MEGF6: variants seen among roughly 807,000 people sequenced by gnomAD.
The protein encoded by MEGF6 is multiple epidermal growth factor-like domains protein 6.
A neutral mutation model predicts 207.1 loss-of-function variants in MEGF6; 184 were observed. The ratio of observed to expected loss-of-function variants is 0.89; its 90% CI spans 0.79 to 1.00. MEGF6 has a LOEUF of 1.00. Among genes scored for constraint, MEGF6 ranks in the 50% least tolerant of loss-of-function variants. The probability of loss-of-function intolerance (pLI) is 0.00; values close to 1 mark genes in which losing one functional copy is unlikely to be tolerated. For synonymous variants in MEGF6, 1,038 were observed against 910.0 expected (o/e 1.14, Z -2.53); for missense variants, 2,282 against 2,202.9 (o/e 1.04, Z -0.72).
chr1:3,601,860 G>A (rs906758303), intron 2 of MEGF6, among the ~76,000 whole-genome samples: 5 of 152,334 alleles, frequency 3.3e-5, no homozygotes, highest in Non-Finnish European at 4.4e-5. Flanking sequence ...CGGCTCCTCC[G>A]CAGATCCCAG....
chr1:3,518,297 A>G (rs1001939363), intron 5 of MEGF6, among the ~76,000 whole-genome samples: 1 of 152,098 alleles, frequency 6.6e-6, no homozygotes. Context: ...CTAACTCCCC[A>G]GTTTGCCAAT....
intron 3 of MEGF6, among the ~76,000 whole-genome samples, chr1:3,589,177 C>T (rs967816942): frequency 6.6e-6 from 1 of 152,120 alleles, no homozygotes; most frequent in African/African-American, 2.4e-5. Context: ...GCGTCTACAA[C>T]CACGGAACGC....
At chr1:3,619,906 G>C in the MEGF6 span, among the ~76,000 whole-genome samples, 2 of 152,220 alleles carry the variant, frequency 1.3e-5, no homozygotes, top group Non-Finnish European at 2.9e-5. Context: ...CTGTGGGAAA[G>C]TTTGGAACTT....
intron 4 of MEGF6, among the ~76,000 whole-genome samples, chr1:3,533,319 C>T (rs991109315): frequency 2.6e-5 from 4 of 152,364 alleles, no homozygotes; most frequent in African/African-American, 9.6e-5. Flanking sequence ...TGCCTGTCTG[C>T]GGGGCCTCCT....
chr1:3,581,273 T>G (rs956384453), intron 3 of MEGF6, among the ~76,000 whole-genome samples: 3 of 152,130 alleles, frequency 2.0e-5, no homozygotes, highest in African/African-American at 7.2e-5. Flanking sequence ...CCCACCCTCC[T>G]GCAATCACAG....
intron 5 of MEGF6, among the ~76,000 whole-genome samples, chr1:3,516,448 C>T (rs184624498): frequency 3.3e-5 from 5 of 152,342 alleles, no homozygotes; most frequent in African/African-American, 1.2e-4. Flanking sequence ...AGGCCGTCTG[C>T]CCAGGCCTGT....
intron 14 of MEGF6, 91 bp from the exon 15 acceptor site, chr1:3,506,327 G>T: frequency 6.8e-7 from 1 of 1,467,386 alleles, no homozygotes; most frequent in Non-Finnish European, 9.2e-7. Context: ...GGGGCCCAGG[G>T]CCCAGCACAG....
chr1:3,582,163 G>A (rs2101766475), intron 3 of MEGF6, among the ~76,000 whole-genome samples: 1 of 152,242 alleles, frequency 6.6e-6, no homozygotes, highest in South Asian at 2.1e-4. Context: ...CAGTGTCCAG[G>A]ACAGACATTA....
chr1:3,530,575 G>A (rs1284759770), intron 4 of MEGF6, among the ~76,000 whole-genome samples: 2 of 152,176 alleles, frequency 1.3e-5, no homozygotes, highest in African/African-American at 4.8e-5. Flanking sequence ...CGAGAGCAGG[G>A]CTGTAACCTG....
At chr1:3,524,321 C>A (rs1340830012) in intron 4 of MEGF6, 75 bp from the exon 5 acceptor site, 2 of 1,562,944 alleles carry the variant, frequency 1.3e-6, no homozygotes, top group African/African-American at 2.7e-5. Flanking sequence ...CCCCCAGGTG[C>A]CGGGGGCCCA....
chr1:3,515,338 C>A (rs1641503404), intron 6 of MEGF6, 64 bp downstream of exon 6: 2 of 1,544,464 alleles, frequency 1.3e-6, no homozygotes, highest in Admixed American at 1.9e-5. Context: ...ACCCAACAGC[C>A]CAGGCGAGGC....
At chr1:3,548,191 T>C (rs1450643850) in intron 4 of MEGF6, among the ~76,000 whole-genome samples, 1 of 152,156 alleles carries the variant, frequency 6.6e-6, no homozygotes, top group Non-Finnish European at 1.5e-5. Context: ...TCCCAGAAGA[T>C]GAGGCCGACC....
rs756019291 is a variant in MEGF6 at position 3,515,439 on chromosome 1, G to A, written c.693C>T (p.Pro231=). 77 of 1,612,494 alleles carry A rather than the reference G, an allele frequency of 4.8e-5. No individual in the cohort carries two copies. The Admixed American group carries it at 5.8e-4, about 12-fold the overall frequency. The change falls in exon 6 of 37, where the codon CCC becomes CCT. Residue 231 remains proline, a synonymous_variant. Transcript: ENST00000356575. ...TGCCGTCCTCCTGGAGCTGGAACCC[G>A]GGCCGGCACTGGCAGCGATGCCGAG... is the stretch of plus-strand genomic sequence containing the variant. ...TITRHRCQCR[P]GFQLQEDGRH... is the part of the protein sequence containing the mutation.
chr1:3,505,658 G>A, intron 15 of MEGF6, 102 bp from the exon 16 acceptor site: 1 of 1,403,248 alleles, frequency 7.1e-7, no homozygotes, highest in South Asian at 1.5e-5. Flanking sequence ...CCAAGATCAT[G>A]TAGGGAGCTG....
Position 3,513,577 on chromosome 1 carries a change from CTTTTTTTTTTTT to C in MEGF6, c.853+961_853+972del, listed in dbSNP as rs757815891. On this transcript the variant is annotated intron_variant, in intron 7 of 36. Coordinates refer to ENST00000356575, the MANE Select transcript of MEGF6 (RefSeq NM_001409.4). Reference sequence around the variant, plus strand: ...ACAGGTGTGAGCCACCACACCTGGGCTTTTTTTTTTTTTTTTTTTTTTTTTTTTTAAGAGACA... The same window carrying C: ...ACAGGTGTGAGCCACCACACCTGGGCTTTTTTTTTTTTTTTTTAAGAGACA... Among the ~76,000 whole-genome samples the C allele has an allele frequency of 7.0e-3, 396 of 56,570 alleles. 5 individuals carry two copies. Among genetic ancestry groups the C allele is most frequent in the African/African-American group, 0.028 (373 of 13,556 alleles). The allele number at this position is 56,570 out of a possible 152,430, so 37.1% of individuals were successfully genotyped here. A position where few individuals can be genotyped will look rare whatever the true frequency, so the allele number is the denominator to read the frequency against.
intron 4 of MEGF6, among the ~76,000 whole-genome samples, chr1:3,541,007 A>G (rs561332499): frequency 6.6e-6 from 1 of 152,302 alleles, no homozygotes; most frequent in Admixed American, 6.5e-5. Flanking sequence ...TAGAAAGGGG[A>G]GATGGCATCC....
At chr1:3,520,725 G>A (rs867403595) in intron 5 of MEGF6, among the ~76,000 whole-genome samples, 11 of 152,324 alleles carry the variant, frequency 7.2e-5, no homozygotes, top group Admixed American at 3.9e-4. Flanking sequence ...GTAGATTCTC[G>A]CTTTTGAGAG....
At chr1:3,520,245 C>G (rs918351979) in intron 5 of MEGF6, among the ~76,000 whole-genome samples, 1 of 152,212 alleles carries the variant, frequency 6.6e-6, no homozygotes, top group Non-Finnish European at 1.5e-5. Context: ...TCAGCCAGGC[C>G]GCCTCCGGGG....
Position 3,566,058 on chromosome 1 carries a change from T to A in MEGF6, c.481+13767A>T, listed in dbSNP as rs530678731. Among the ~76,000 whole-genome samples, 7 of 152,342 alleles carry A rather than the reference T, an allele frequency of 4.6e-5. No homozygotes were observed. In the South Asian group the frequency reaches 1.4e-3, roughly 32 times the overall value. ...CAGAGAAGACATTGACCCCTGAGGC[T>A]GACCTGGGTAGCAGACCCCTGAGGC... On this transcript the variant is annotated intron_variant, in intron 4 of 36. Coordinates refer to ENST00000356575, the MANE Select transcript of MEGF6 (RefSeq NM_001409.4).
Sources: allele counts gnomAD v4.1 joint callset (sites outside exome capture counted in the v4.1 genomes callset), GRCh38; gene constraint gnomAD v4.1.1; transcripts MANE v1.5; gene names NCBI Gene and HGNC (gene_info 2026-07-23, HGNC 2026-07-21).